NBEA: variants seen among roughly 807,000 people sequenced by gnomAD.
The protein encoded by NBEA is lysosomal-trafficking regulator 2.
NBEA carries 44 observed loss-of-function variants against 343.4 expected under a neutral mutation model. That is an observed-to-expected ratio of 0.13 (90% CI 0.10 to 0.16). NBEA has a LOEUF of 0.16. Ranked by LOEUF, NBEA falls within the 10% of genes least tolerant of loss-of-function variation. The pLI, the probability that NBEA is intolerant of heterozygous loss-of-function variation, is 1.00. For missense variants in NBEA, 2,555 were observed against 3,631.3 expected (o/e 0.70, Z 7.62); for synonymous variants, 1,175 against 1,238.7 (o/e 0.95, Z 1.08).
chr13:35,174,158 A>G (rs1313294480), intron 27 of NBEA, among the ~76,000 whole-genome samples: 1 of 152,068 alleles, frequency 6.6e-6, no homozygotes. Flanking sequence ...TTTTAGTCAT[A>G]CCATAGACTT....
At chr13:35,612,209 T>C (rs2082549656) in intron 48 of NBEA, among the ~76,000 whole-genome samples, 1 of 151,990 alleles carries the variant, frequency 6.6e-6, no homozygotes. Flanking sequence ...CTCGGCTCAC[T>C]ACAAGCTCTG....
intron 18 of NBEA, among the ~76,000 whole-genome samples, chr13:35,146,069 C>A (rs1276475645): frequency 6.6e-6 from 1 of 152,100 alleles, no homozygotes; most frequent in Non-Finnish European, 1.5e-5. Flanking sequence ...TGGTCTCATA[C>A]TTGTGGTTCC....
chr13:35,298,142 G>A (rs1475884804), intron 35 of NBEA, among the ~76,000 whole-genome samples: 2 of 147,950 alleles, frequency 1.4e-5, no homozygotes, highest in East Asian at 2.0e-4. Context: ...AAAAGAAAAT[G>A]TTATTAAAAA....
chr13:35,419,636 G>T (rs1237804392), intron 38 of NBEA, among the ~76,000 whole-genome samples: 1 of 152,008 alleles, frequency 6.6e-6, no homozygotes, highest in African/African-American at 2.4e-5. Flanking sequence ...CAGGAGTTTT[G>T]TGAATCTGTA....
chr13:35,323,795 A>G (rs2038351496), intron 36 of NBEA, among the ~76,000 whole-genome samples: 1 of 152,160 alleles, frequency 6.6e-6, no homozygotes, highest in Admixed American at 6.5e-5. Context: ...ACAAGTTTAA[A>G]TATACTTTTC....
intron 2 of NBEA, among the ~76,000 whole-genome samples, chr13:35,042,203 T>C (rs1291795295): frequency 6.6e-6 from 1 of 151,906 alleles, no homozygotes; most frequent in African/African-American, 2.4e-5. Context: ...TGAGAAAATA[T>C]ATTAAAAATC....
At chr13:35,543,848 A>G (rs1003245763) in intron 41 of NBEA, among the ~76,000 whole-genome samples, 1 of 152,130 alleles carries the variant, frequency 6.6e-6, no homozygotes, top group Non-Finnish European at 1.5e-5. Context: ...TCCTCACTGC[A>G]TGTGCCACAC....
chr13:35,359,670 C>G (rs1473620977), intron 38 of NBEA, among the ~76,000 whole-genome samples: 1 of 151,900 alleles, frequency 6.6e-6, no homozygotes, highest in Non-Finnish European at 1.5e-5. Flanking sequence ...TGCATATTTC[C>G]AGATTCAGTG....
chr13:35,570,538 A>G (rs2080356290), intron 45 of NBEA, among the ~76,000 whole-genome samples: 1 of 152,224 alleles, frequency 6.6e-6, no homozygotes, highest in Non-Finnish European at 1.5e-5. Context: ...GAACAGTTGA[A>G]TCCATGAGCT....
intron 8 of NBEA, among the ~76,000 whole-genome samples, chr13:35,064,746 G>C (rs1184252239): frequency 1.3e-5 from 2 of 151,648 alleles, no homozygotes; most frequent in Non-Finnish European, 2.9e-5. Context: ...TTATAAAGGG[G>C]AGGAAATTAG....
chr13:35,536,946 A>G (rs1051861482), intron 41 of NBEA, among the ~76,000 whole-genome samples: 3 of 152,142 alleles, frequency 2.0e-5, no homozygotes, highest in African/African-American at 7.2e-5. Context: ...GGAACTGGCC[A>G]GGGGGTCAGT....
intron 38 of NBEA, among the ~76,000 whole-genome samples, chr13:35,426,944 A>C (rs1319698013): frequency 6.6e-6 from 1 of 152,130 alleles, no homozygotes. Flanking sequence ...AGGCTTCTGC[A>C]TTCGTCACGT....
At chr13:35,666,942 T>C (rs576757952) in intron 56 of NBEA, among the ~76,000 whole-genome samples, 1 of 152,190 alleles carries the variant, frequency 6.6e-6, no homozygotes, top group African/African-American at 2.4e-5. Flanking sequence ...TTGACGGCAG[T>C]GTATTGATGT....
intron 6 of NBEA, among the ~76,000 whole-genome samples, chr13:35,055,155 T>C (rs936234161): frequency 1.3e-5 from 2 of 152,076 alleles, no homozygotes; most frequent in Non-Finnish European, 1.5e-5. Flanking sequence ...CAGTTAATTT[T>C]CCCCCCTTAA....
intron 1 of NBEA, among the ~76,000 whole-genome samples, chr13:35,038,774 T>G (rs1373848651): frequency 6.6e-6 from 1 of 152,058 alleles, no homozygotes; most frequent in African/African-American, 2.4e-5. Context: ...CCTCTCCTCT[T>G]CTCAAGTAGA....
At chr13:35,055,125 T>C (rs1221903123) in intron 6 of NBEA, among the ~76,000 whole-genome samples, 3 of 152,130 alleles carry the variant, frequency 2.0e-5, no homozygotes, top group Non-Finnish European at 2.9e-5. Flanking sequence ...GTATTTTATA[T>C]TTTGGTGGGA....
chr13:35,624,505 AATTG>A (rs534710909), intron 48 of NBEA, among the ~76,000 whole-genome samples: 163 of 152,242 alleles, frequency 1.1e-3, no homozygotes, highest in African/African-American at 3.8e-3. Flanking sequence ...TTAATGTATA[AATTG>A]ATTGGCATTC....
chr13:35,242,554 A>G (rs754778065), intron 34 of NBEA, among the ~76,000 whole-genome samples: 5 of 151,894 alleles, frequency 3.3e-5, no homozygotes, highest in African/African-American at 9.7e-5. Flanking sequence ...CTGAAGCTCA[A>G]CAAGCTCCCA....
At position 35,584,047 on chromosome 13, in the gene NBEA, C is replaced by A; in HGVS notation, c.7176+9C>A. The A allele has an allele frequency of 6.2e-7, 1 of 1,612,102 alleles. No individual in the cohort carries two copies. Among genetic ancestry groups the A allele is most frequent in the South Asian group, 1.1e-5 (1 of 90,640 alleles). On this transcript the variant is annotated intron_variant, in intron 46 of 58. Transcript: ENST00000379939. ...CCTGGCTTGTTCGAATTGTGAGTAT[C>A]TTCATTGAGTTAGCTTGCCTTTGGT...
Sources: allele counts gnomAD v4.1 joint callset (sites outside exome capture counted in the v4.1 genomes callset), GRCh38; gene constraint gnomAD v4.1.1; transcripts MANE v1.5; gene names NCBI Gene and HGNC (gene_info 2026-07-23, HGNC 2026-07-21).